The following ZFYVE26 variants were observed in gnomAD, a reference collection of about 807,000 sequenced individuals.
ZFYVE26 encodes zinc finger FYVE domain-containing protein 26.
In ZFYVE26, 181 loss-of-function variants were observed where a neutral mutation model predicts 276.5. The ratio of observed to expected loss-of-function variants is 0.65; its 90% CI spans 0.58 to 0.74. The LOEUF (loss-of-function observed/expected upper bound fraction) is 0.74. ZFYVE26 is among the 30% of genes least tolerant of loss of function. The pLI is 0.00. For synonymous variants in ZFYVE26, 1,129 were observed against 1,203.1 expected, an observed-to-expected ratio of 0.94 and a Z score of 1.27; for missense variants, 2,821 against 3,097.9, an observed-to-expected ratio of 0.91 and a Z score of 2.12.
Position 67,789,237 on chromosome 14 carries a change from T to G in ZFYVE26, c.3019+98A>C, listed in dbSNP as rs2039743803. ...TTTCATAATCCATTCACCATCTGCC[T>G]CCTCCAATAACTGCTTTCTTCCTGG... is the stretch of plus-strand genomic sequence containing the variant. On this transcript the variant is annotated intron_variant, in intron 16 of 41. Transcript: ENST00000347230. The G allele has an allele frequency of 1.9e-6, 3 of 1,539,078 alleles. No homozygotes were observed. In the East Asian group the frequency reaches 6.7e-5, roughly 35 times the overall value.
intron 2 of ZFYVE26, among the ~76,000 whole-genome samples, 180 bp from the exon 3 acceptor site, chr14:67,814,244 C>T (rs2040356153): frequency 6.6e-6 from 1 of 152,164 alleles, no homozygotes; most frequent in Non-Finnish European, 1.5e-5. Flanking sequence ...CCAGGCCAGG[C>T]AAGGTGGCTC....
chr14:67,739,461 T>C (rs192425475), intron 13 of ZFYVE26, among the ~76,000 whole-genome samples: 1 of 152,234 alleles, frequency 6.6e-6, no homozygotes, highest in African/African-American at 2.4e-5. Flanking sequence ...TATCGTATTA[T>C]GTTGAACCCT....
chr14:67,774,169 C>T (rs1347455566), intron 27 of ZFYVE26, among the ~76,000 whole-genome samples: 6 of 152,220 alleles, frequency 3.9e-5, no homozygotes, highest in Non-Finnish European at 8.8e-5. Context: ...TCACCCAATA[C>T]TCAACACTCA....
At chr14:67,741,140 C>T (rs889030335) in intron 13 of ZFYVE26, among the ~76,000 whole-genome samples, 7 of 152,070 alleles carry the variant, frequency 4.6e-5, no homozygotes, top group Non-Finnish European at 8.8e-5. Flanking sequence ...TATTCCAATC[C>T]TCCCTATGCT....
chr14:67,769,414 TG>T (rs1339120385), intron 29 of ZFYVE26, among the ~76,000 whole-genome samples, 179 bp downstream of exon 29: 4 of 152,222 alleles, frequency 2.6e-5, no homozygotes, highest in Admixed American at 2.0e-4. Flanking sequence ...TCTCTCTTAG[TG>T]GTTTCTCTGA....
intron 11 of ZFYVE26, 76 bp from the exon 12 acceptor site, chr14:67,797,831 G>A: frequency 6.3e-7 from 1 of 1,593,886 alleles, no homozygotes; most frequent in Admixed American, 1.7e-5. Context: ...ATAACAGGTT[G>A]GGGAAGGTTT....
chr14:67,744,639 C>T (rs2038459298), downstream of ZFYVE26, among the ~76,000 whole-genome samples: 1 of 152,174 alleles, frequency 6.6e-6, no homozygotes, highest in South Asian at 2.1e-4. Flanking sequence ...GTTCAACTTC[C>T]ACTTATGAGT....
chr14:67,771,435 C>T (rs2039205936), intron 28 of ZFYVE26, among the ~76,000 whole-genome samples: 1 of 152,210 alleles, frequency 6.6e-6, no homozygotes, highest in Non-Finnish European at 1.5e-5. Context: ...AGAAATATTA[C>T]ACCTCTTTTA....
At chr14:67,776,723 T>G (rs1037989763) in intron 25 of ZFYVE26, among the ~76,000 whole-genome samples, 4 of 152,210 alleles carry the variant, frequency 2.6e-5, no homozygotes, top group Non-Finnish European at 5.9e-5. Flanking sequence ...AGGCTTGAAA[T>G]ATGTTCACTG....
chr14:67,745,503 T>A (rs766568787), downstream of ZFYVE26, among the ~76,000 whole-genome samples: 1 of 151,536 alleles, frequency 6.6e-6, no homozygotes, highest in Non-Finnish European at 1.5e-5. Flanking sequence ...AGAAATTGGA[T>A]GAGATCATGT....
intron 11 of ZFYVE26, 112 bp downstream of exon 11, chr14:67,797,902 G>C (rs1040039587): frequency 6.3e-7 from 1 of 1,591,748 alleles, no homozygotes; most frequent in Non-Finnish European, 8.6e-7. Context: ...CCATGGTGAC[G>C]ATATGCCCTG....
chr14:67,738,269 C>T (rs1343953881), intron 13 of ZFYVE26, among the ~76,000 whole-genome samples: 1 of 150,834 alleles, frequency 6.6e-6, no homozygotes, highest in African/African-American at 2.4e-5. Context: ...CCTAAAAGTC[C>T]ATCAGTTGGC....
Position 67,809,196 on chromosome 14 carries a change from T to A in ZFYVE26, c.363+4A>T. 1 of 1,613,600 alleles carries A rather than the reference T, an allele frequency of 6.2e-7. No individual in the cohort carries two copies. The highest frequency in any genetic ancestry group is 8.5e-7 in the Non-Finnish European group (1 of 1,179,568). ...GGGCAGATGGTACCAGGGCTCTCTC[T>A]CACCTCGAGGATGTTCTCTGGAATG... On this transcript the variant is annotated splice_donor_region_variant and intron_variant, in intron 4 of 41. Coordinates refer to ENST00000347230, the MANE Select transcript of ZFYVE26 (RefSeq NM_015346.4).
At chr14:67,807,315 G>A in intron 5 of ZFYVE26, 83 bp downstream of exon 5, 1 of 1,587,696 alleles carries the variant, frequency 6.3e-7, no homozygotes, top group Non-Finnish European at 8.6e-7. Context: ...GAGCCACACG[G>A]AAGGCAGCAG....
At chr14:67,800,922 C>T (rs113174028) in intron 10 of ZFYVE26, among the ~76,000 whole-genome samples, 1,237 of 65,108 alleles carry the variant, frequency 0.019, 14 homozygotes, top group African/African-American at 0.075. Flanking sequence ...AAAAAGTTAC[C>T]GTATAAATAA....
At chr14:67,804,028 A>G (rs1312990939) in intron 9 of ZFYVE26, 73 bp downstream of exon 9, 1 of 1,592,462 alleles carries the variant, frequency 6.3e-7, no homozygotes, top group East Asian at 2.2e-5. Flanking sequence ...ATCTGGATAA[A>G]TCTCATGCTG....
At chr14:67,770,693 G>A (rs1215101770) in intron 28 of ZFYVE26, among the ~76,000 whole-genome samples, 1 of 152,080 alleles carries the variant, frequency 6.6e-6, no homozygotes, top group African/African-American at 2.4e-5. Context: ...AAAGCACTTA[G>A]TATCATGCCT....
intron 13 of ZFYVE26, among the ~76,000 whole-genome samples, chr14:67,730,883 C>T (rs892538130): frequency 6.6e-6 from 1 of 152,072 alleles, no homozygotes; most frequent in Admixed American, 6.5e-5. Context: ...GGATTACAGG[C>T]GTGAGCCACC....
intron 10 of ZFYVE26, among the ~76,000 whole-genome samples, chr14:67,799,775 T>G (rs1359054453): frequency 1.3e-5 from 2 of 152,184 alleles, no homozygotes; most frequent in African/African-American, 2.4e-5. Flanking sequence ...AACCTGATCT[T>G]AGCATTTCCT....
Sources: allele counts gnomAD v4.1 joint callset (sites outside exome capture counted in the v4.1 genomes callset), GRCh38; gene constraint gnomAD v4.1.1; transcripts MANE v1.5; gene names NCBI Gene and HGNC (gene_info 2026-07-23, HGNC 2026-07-21).